The following NEGR1 variants were observed in gnomAD, a reference collection of about 807,000 sequenced individuals.
The protein encoded by NEGR1 is neuronal growth regulator 1, also known as IgLON family member 4.
A neutral mutation model predicts 40.9 loss-of-function variants in NEGR1; 10 were observed. That is an observed-to-expected ratio of 0.24 (90% confidence interval 0.15 to 0.42). The LOEUF is 0.42. Among genes scored for constraint, NEGR1 ranks in the 10% least tolerant of loss-of-function variants. NEGR1 has a pLI of 1.00. For synonymous variants in NEGR1, 185 were observed against 166.8 expected, an observed-to-expected ratio of 1.11 and a Z score of -0.84; for missense variants, 352 against 438.9, an observed-to-expected ratio of 0.80 and a Z score of 1.77.
chr1:72,054,831 C>G (rs999545046), intron 1 of NEGR1, among the ~76,000 whole-genome samples: 1 of 151,028 alleles, frequency 6.6e-6, no homozygotes, highest in Non-Finnish European at 1.5e-5. Flanking sequence ...CTATTTCTTT[C>G]TCTGCATTAG....
chr1:71,832,427 C>G (rs941523252), intron 2 of NEGR1, among the ~76,000 whole-genome samples: 1 of 151,978 alleles, frequency 6.6e-6, no homozygotes, highest in Non-Finnish European at 1.5e-5. Context: ...AAGAAGCCCT[C>G]TAAGGCACTA....
chr1:71,938,241 G>A (rs1645927060), intron 1 of NEGR1, among the ~76,000 whole-genome samples: 1 of 151,882 alleles, frequency 6.6e-6, no homozygotes, highest in Non-Finnish European at 1.5e-5. Flanking sequence ...TACCATACAT[G>A]GAATTTTACA....
intron 6 of NEGR1, among the ~76,000 whole-genome samples, chr1:71,512,474 C>T (rs1362281836): frequency 5.9e-5 from 9 of 151,820 alleles, no homozygotes; most frequent in Non-Finnish European, 1.5e-5. Context: ...CAATTGTGCA[C>T]CACAGGCTCA....
intron 2 of NEGR1, among the ~76,000 whole-genome samples, chr1:71,845,286 C>T (rs1225365334): frequency 2.0e-5 from 3 of 151,740 alleles, no homozygotes; most frequent in Non-Finnish European, 4.4e-5. Context: ...AATATGAAAG[C>T]ATAAATAGTA....
chr1:72,274,937 TCTC>T, intron 1 of NEGR1: 1 of 1,550,842 alleles, frequency 6.4e-7, no homozygotes, highest in South Asian at 1.1e-5. Context: ...GTCTGCATGA[TCTC>T]CTTTGCGCAC....
chr1:72,200,819 A>G (rs1653179139), intron 1 of NEGR1, among the ~76,000 whole-genome samples: 1 of 151,946 alleles, frequency 6.6e-6, no homozygotes. Flanking sequence ...CACGTTTTCA[A>G]CCTAACTTTT....
intron 1 of NEGR1, among the ~76,000 whole-genome samples, chr1:72,039,339 G>T (rs2630425): frequency 0.23 from 34,824 of 151,770 alleles, 5,309 homozygotes; most frequent in African/African-American, 0.43. Context: ...AAAATTACCA[G>T]GTAAGCACAA....
At chr1:72,002,713 A>G (rs1201276551) in intron 1 of NEGR1, among the ~76,000 whole-genome samples, 2 of 152,220 alleles carry the variant, frequency 1.3e-5, no homozygotes, top group Non-Finnish European at 2.9e-5. Context: ...TTACTAATCA[A>G]TAATGTCACA....
At chr1:72,188,611 C>A (rs1253851286) in intron 1 of NEGR1, among the ~76,000 whole-genome samples, 2 of 151,432 alleles carry the variant, frequency 1.3e-5, no homozygotes, top group East Asian at 3.9e-4. Context: ...TATTATTACT[C>A]ATCCTAGGAG....
chr1:71,464,799 C>T (rs866913775), intron 6 of NEGR1, among the ~76,000 whole-genome samples: 22 of 152,090 alleles, frequency 1.4e-4, no homozygotes, highest in African/African-American at 5.1e-4. Flanking sequence ...GCAATTCACA[C>T]GGTGAACTGC....
rs34141206 is a variant in NEGR1, at chr1:71,558,722, C to CTT, written c.940+34093_940+34094dup. On this transcript the variant is annotated intron_variant, in intron 6 of 6. Transcript: ENST00000357731. ...ATGCACCTCATCCTTTCTTTTCTTT[C>CTT]TTTTTTTTTTTTTTTTTTAGCACTT... 3.8e-3 allele frequency among the ~76,000 whole-genome samples: 516 copies of CTT among 134,290 alleles called. 3 individuals are homozygous for CTT. The highest frequency in any genetic ancestry group is 0.014 in the African/African-American group (488 of 35,308). The allele number at this position is 134,290 out of a possible 152,430, so 88.1% of individuals were successfully genotyped here. A position where few individuals can be genotyped will look rare whatever the true frequency, so the allele number is the denominator to read the frequency against.
At chr1:72,155,376 T>C (rs1381256641) in intron 1 of NEGR1, among the ~76,000 whole-genome samples, 2 of 152,070 alleles carry the variant, frequency 1.3e-5, no homozygotes, top group Non-Finnish European at 2.9e-5. Flanking sequence ...AGCCAAATCA[T>C]ATAACCTAGT....
intron 1 of NEGR1, among the ~76,000 whole-genome samples, chr1:72,030,200 T>A (rs1246789572): frequency 6.6e-6 from 1 of 152,036 alleles, no homozygotes; most frequent in Non-Finnish European, 1.5e-5. Context: ...ATACTTTTTT[T>A]TTTTTTCTTT....
intron 3 of NEGR1, among the ~76,000 whole-genome samples, chr1:71,712,634 C>A (rs1033783451): frequency 6.6e-6 from 1 of 152,082 alleles, no homozygotes; most frequent in East Asian, 1.9e-4. Context: ...GAGGAAAATT[C>A]ATTTATTTCT....
intron 1 of NEGR1, among the ~76,000 whole-genome samples, chr1:72,099,287 G>T (rs570449487): frequency 4.7e-4 from 72 of 151,920 alleles, no homozygotes; most frequent in African/African-American, 1.6e-3. Flanking sequence ...TTATTTCAAA[G>T]AATACAATTG....
At chr1:71,688,344 A>ATATAT (rs1653117659) in intron 4 of NEGR1, among the ~76,000 whole-genome samples, 1 of 129,958 alleles carries the variant, frequency 7.7e-6, no homozygotes, top group Non-Finnish European at 1.6e-5. Flanking sequence ...ATAGATAGAT[A>ATATAT]GATAGATAGA....
chr1:71,902,791 C>G (rs1339007268), intron 2 of NEGR1, among the ~76,000 whole-genome samples: 1 of 151,822 alleles, frequency 6.6e-6, no homozygotes, highest in Non-Finnish European at 1.5e-5. Context: ...AATATTTTAG[C>G]AAATTTATTT....
At chr1:71,928,858 A>G (rs942512327) in intron 2 of NEGR1, among the ~76,000 whole-genome samples, 3 of 152,060 alleles carry the variant, frequency 2.0e-5, no homozygotes, top group African/African-American at 7.2e-5. Flanking sequence ...ATCAGTAGTC[A>G]GGTATTGATT....
intron 1 of NEGR1, among the ~76,000 whole-genome samples, chr1:71,940,424 A>G (rs994339467): frequency 1.3e-5 from 2 of 152,208 alleles, no homozygotes; most frequent in African/African-American, 4.8e-5. Context: ...CATGATAAAT[A>G]CTTAAATTTT....
Sources: allele counts gnomAD v4.1 joint callset (sites outside exome capture counted in the v4.1 genomes callset), GRCh38; gene constraint gnomAD v4.1.1; transcripts MANE v1.5; gene names NCBI Gene and HGNC (gene_info 2026-07-23, HGNC 2026-07-21).